Variants in ST6GAL1 observed in about 807,000 individuals in gnomAD.
ST6GAL1 encodes the protein ST6 beta-galactoside alpha-2,6-sialyltransferase 1, also known as beta-galactoside alpha-2,6-sialyltransferase 1.
In ST6GAL1, 20 loss-of-function variants were observed where a neutral mutation model predicts 38.0. The ratio of observed to expected loss-of-function variants is 0.53; its 90% CI spans 0.37 to 0.77. ST6GAL1 has a LOEUF of 0.77. ST6GAL1 is among the 30% of genes least tolerant of loss of function. The pLI is 0.00. For missense variants in ST6GAL1, 432 were observed against 496.4 expected (o/e 0.87, Z 1.23); for synonymous variants, 196 against 188.2 (o/e 1.04, Z -0.34).
intron 4 of ST6GAL1, among the ~76,000 whole-genome samples, chr3:187,048,249 G>A (rs1408631503): frequency 6.6e-6 from 1 of 152,086 alleles, no homozygotes; most frequent in Non-Finnish European, 1.5e-5. Context: ...AGCCTGATTG[G>A]CTTTTTTCTT....
intron 4 of ST6GAL1, among the ~76,000 whole-genome samples, chr3:187,049,674 C>T (rs1718443429): frequency 6.6e-6 from 1 of 152,220 alleles, no homozygotes; most frequent in African/African-American, 2.4e-5. Context: ...TTAAACTCTA[C>T]CCCAACTTGG....
intron 2 of ST6GAL1, among the ~76,000 whole-genome samples, chr3:187,033,862 A>T (rs888274990): frequency 9.2e-5 from 14 of 152,212 alleles, no homozygotes; most frequent in Admixed American, 9.2e-4. Flanking sequence ...AACTAGAAAA[A>T]AAATTTACCC....
At chr3:186,961,066 T>C (rs1714920747) in intron 1 of ST6GAL1, among the ~76,000 whole-genome samples, 1 of 150,818 alleles carries the variant, frequency 6.6e-6, no homozygotes, top group African/African-American at 2.4e-5. Flanking sequence ...AAATTCCACC[T>C]CCTGGGTTCA....
chr3:187,062,851 A>G (rs1437042844), intron 5 of ST6GAL1, among the ~76,000 whole-genome samples: 3 of 152,216 alleles, frequency 2.0e-5, no homozygotes, highest in Non-Finnish European at 4.4e-5. Flanking sequence ...AAAAAATGTC[A>G]GTAGGGGAGA....
intron 1 of ST6GAL1, among the ~76,000 whole-genome samples, chr3:186,934,857 C>T (rs182794956): frequency 0.19 from 28,855 of 151,814 alleles, 3,281 homozygotes; most frequent in Middle Eastern, 0.28. Flanking sequence ...AGCTCCGCCT[C>T]CCGGGTTCAC....
intron 2 of ST6GAL1, among the ~76,000 whole-genome samples, chr3:187,017,637 G>A (rs774719361): frequency 2.6e-5 from 4 of 152,194 alleles, no homozygotes; most frequent in Non-Finnish European, 5.9e-5. Flanking sequence ...TTGTTAAGAC[G>A]AGCGAGGTAA....
chr3:186,984,972 G>A (rs564952585), intron 2 of ST6GAL1, among the ~76,000 whole-genome samples: 11 of 151,582 alleles, frequency 7.3e-5, no homozygotes, highest in Admixed American at 1.3e-4. Flanking sequence ...GCAGTGGCAC[G>A]TTCTCGGCTC....
chr3:187,074,417 G>A (rs1579389135), intron 7 of ST6GAL1, 84 bp downstream of exon 7: 17 of 1,400,006 alleles, frequency 1.2e-5, no homozygotes, highest in South Asian at 3.3e-5. Flanking sequence ...TCAGTCATTC[G>A]TTTGTTCATT....
At chr3:187,010,356 T>C (rs1716915926) in intron 2 of ST6GAL1, among the ~76,000 whole-genome samples, 1 of 152,250 alleles carries the variant, frequency 6.6e-6, no homozygotes, top group Non-Finnish European at 1.5e-5. Flanking sequence ...TGTATGTTAT[T>C]ATTTTAATTG....
chr3:186,988,484 G>C (rs1716033545), intron 2 of ST6GAL1, among the ~76,000 whole-genome samples: 1 of 149,836 alleles, frequency 6.7e-6, no homozygotes, highest in Non-Finnish European at 1.5e-5. Context: ...GGAAAGACAG[G>C]CTGCACCAAT....
chr3:187,064,091 C>T lies in ST6GAL1; in HGVS notation c.706-8758C>T, dbSNP rs1719013912. 4.6e-5 allele frequency among the ~76,000 whole-genome samples: 7 copies of T among 151,938 alleles called. No homozygotes were observed. In the South Asian group the frequency reaches 1.5e-3, roughly 32 times the overall value. ...ACAGGGAAGGTGAGTCAGCTTGAGA[C>T]CACTTGAGAGGCATCTAGCAGAAGG... On this transcript the variant is annotated intron_variant, in intron 5 of 7. Transcript: ENST00000169298.
intron 6 of ST6GAL1, chr3:187,073,689 G>C (rs1413603640): frequency 6.5e-6 from 1 of 153,554 alleles, no homozygotes; most frequent in African/African-American, 2.4e-5. Context: ...ATGCCTGACA[G>C]GCTCTGGCGA....
chr3:187,002,088 T>C lies in ST6GAL1; in HGVS notation c.-182-36654T>C, dbSNP rs142372113. Among the ~76,000 whole-genome samples the C allele has an allele frequency of 7.9e-3, 1,208 of 152,290 alleles. 9 individuals are homozygous for C. Among genetic ancestry groups the C allele is most frequent in the Non-Finnish European group, 0.014 (974 of 68,022 alleles). On this transcript the variant is annotated intron_variant, in intron 2 of 7. Coordinates refer to ENST00000169298, the MANE Select transcript of ST6GAL1 (RefSeq NM_173216.2). ...AGCTGTTAGATCTGACCATATTTTC[T>C]GTTATGGTGTATTTTTAAGTCCACA...
intron 2 of ST6GAL1, among the ~76,000 whole-genome samples, chr3:187,032,757 CCTT>C (rs754627956): frequency 2.0e-5 from 3 of 152,292 alleles, no homozygotes; most frequent in African/African-American, 7.2e-5. Flanking sequence ...AGAAAACCGT[CCTT>C]CTTTGAGCTG....
intron 1 of ST6GAL1, among the ~76,000 whole-genome samples, chr3:186,944,922 C>T (rs1325159047): frequency 6.6e-6 from 1 of 152,182 alleles, no homozygotes; most frequent in Non-Finnish European, 1.5e-5. Context: ...TCTTAAAACT[C>T]AGTTTTGGGG....
chr3:186,968,011 A>G (rs1225541844), intron 2 of ST6GAL1, among the ~76,000 whole-genome samples: 1 of 152,212 alleles, frequency 6.6e-6, no homozygotes, highest in African/African-American at 2.4e-5. Flanking sequence ...TAGTGATGCC[A>G]GAGATCTCCT....
intron 5 of ST6GAL1, among the ~76,000 whole-genome samples, chr3:187,069,727 G>A (rs1181402236): frequency 6.6e-6 from 1 of 152,060 alleles, no homozygotes; most frequent in Non-Finnish European, 1.5e-5. Flanking sequence ...CCCTGGCTTG[G>A]CCTCTGTCTA....
At chr3:186,985,561 C>T (rs1000759661) in intron 2 of ST6GAL1, among the ~76,000 whole-genome samples, 8 of 148,102 alleles carry the variant, frequency 5.4e-5, no homozygotes, top group East Asian at 2.0e-4. Flanking sequence ...CTCAGAAGTT[C>T]GAGATTAGCC....
chr3:186,987,186 G>GGGAGGGAGGGAAGGAGGGAGGGAGGGAA (rs1553821949), intron 2 of ST6GAL1, among the ~76,000 whole-genome samples: 1 of 122,160 alleles, frequency 8.2e-6, no homozygotes, highest in Non-Finnish European at 1.7e-5. Flanking sequence ...GAGACAGGGA[G>GGGAGGGAGGGAAGGAGGGAGGGAGGGAA]GGAGGGAGGG....
Sources: allele counts gnomAD v4.1 joint callset (sites outside exome capture counted in the v4.1 genomes callset), GRCh38; gene constraint gnomAD v4.1.1; transcripts MANE v1.5; gene names NCBI Gene and HGNC (gene_info 2026-07-23, HGNC 2026-07-21).